The following RTKN2 variants were observed in gnomAD, a reference collection of about 807,000 sequenced individuals.
RTKN2 encodes rhotekin-2.
Under a neutral mutation model 71.5 loss-of-function variants are expected in RTKN2, and 69 were observed. The observed-to-expected ratio is 0.96, with a 90% CI of 0.79 to 1.18. The LOEUF (loss-of-function observed/expected upper bound fraction) is 1.18. Among genes scored for constraint, RTKN2 ranks in the 50% most tolerant of loss-of-function variants. The pLI is 0.00. For synonymous variants in RTKN2, 236 were observed against 236.5 expected (o/e 1.00, Z 0.02); for missense variants, 724 against 719.7 (o/e 1.01, Z -0.07).
chr10:62,199,944 T>G (rs1841406436), intron 10 of RTKN2, 83 bp from the exon 11 acceptor site: 1 of 882,148 alleles, frequency 1.1e-6, no homozygotes, highest in East Asian at 2.6e-5. Flanking sequence ...TAGCAATACA[T>G]TTTTGCTTTG....
In RTKN2 at chr10:62,218,175, G is replaced by A; in HGVS notation, c.888+20C>T. 6.9e-7 allele frequency: 1 copy of A among 1,452,034 alleles called. No homozygotes were observed. The highest frequency in any genetic ancestry group is 9.6e-7 in the Non-Finnish European group (1 of 1,037,690). 89.9% of individuals were successfully genotyped at this position (1,452,034 alleles called of 1,614,324 possible). ...TAAAGTAGAGCTACAATTGTTGTAG[G>A]ATATTTAAAGTCCTCTAACCTGCTG... On this transcript the variant is annotated intron_variant, in intron 8 of 11. Transcript: ENST00000373789.
chr10:62,215,433 T>C (rs1358891851), intron 9 of RTKN2, among the ~76,000 whole-genome samples: 1 of 152,036 alleles, frequency 6.6e-6, no homozygotes, highest in Non-Finnish European at 1.5e-5. Context: ...CCAGATGCAC[T>C]ATAGGATCCT....
chr10:62,190,848 T>A (rs1038324800), downstream of RTKN2, among the ~76,000 whole-genome samples: 4 of 152,146 alleles, frequency 2.6e-5, no homozygotes, highest in Non-Finnish European at 5.9e-5. Flanking sequence ...GCATATCCCA[T>A]CTCTCACCTA....
exon 9 of RTKN2, chr10:62,184,203 G>C: frequency 1.5e-6 from 1 of 645,206 alleles, no homozygotes; most frequent in Non-Finnish European, 2.7e-6. Context: ...CGTACTGGGT[G>C]CTAGGAATAC....
At chr10:62,249,421 G>A (rs1458875672) in intron 2 of RTKN2, among the ~76,000 whole-genome samples, 2 of 138,278 alleles carry the variant, frequency 1.4e-5, no homozygotes, top group African/African-American at 2.6e-5. Context: ...ACAGATGGAG[G>A]ATATTGCTGA....
chr10:62,234,390 C>CTA (rs2132968825), intron 6 of RTKN2, among the ~76,000 whole-genome samples: 1 of 151,238 alleles, frequency 6.6e-6, no homozygotes, highest in Admixed American at 6.6e-5. Flanking sequence ...AGCCACCAGG[C>CTA]ATGGTAGCAT....
chr10:62,226,497 TTA>T (rs1220287168), intron 6 of RTKN2, among the ~76,000 whole-genome samples: 2 of 152,328 alleles, frequency 1.3e-5, no homozygotes, highest in Admixed American at 6.5e-5. Context: ...ATAGGAAAAT[TTA>T]TGTTTCTGTC....
At chr10:62,265,118 G>T (rs187855040) in intron 1 of RTKN2, among the ~76,000 whole-genome samples, 1 of 151,922 alleles carries the variant, frequency 6.6e-6, no homozygotes, top group East Asian at 1.9e-4. Flanking sequence ...AAAAATGTAC[G>T]TGTAAAAAGT....
chr10:62,217,173 C>G lies in RTKN2; in HGVS notation c.965G>C (p.Ser322Thr), dbSNP rs768994941. The change falls in exon 9 of 12, where the codon AGT (serine) becomes ACT (threonine). Residue 322 changes from serine to threonine, a missense_variant. Ser to Thr is a moderately conservative substitution (Grantham distance 58, BLOSUM62 1). Transcript: ENST00000373789. ...LRGGKLYCFY[S>T]PEEIEAKVEP... ...CACTTTAGCTTCAATTTCCTCTGGA[C>G]TGTAAAAACAATAGAGTTTACCTCC... The G allele has an allele frequency of 6.2e-7, 1 of 1,604,232 alleles. No homozygotes were observed. The highest frequency in any genetic ancestry group is 1.7e-5 in the Admixed American group (1 of 59,110).
At chr10:62,234,522 A>G (rs1842216993) in intron 6 of RTKN2, among the ~76,000 whole-genome samples, 1 of 151,770 alleles carries the variant, frequency 6.6e-6, no homozygotes, top group Non-Finnish European at 1.5e-5. Context: ...AAGAAAAAGA[A>G]AAGAAAAGAA....
intron 2 of RTKN2, among the ~76,000 whole-genome samples, chr10:62,255,592 C>T (rs1842659991): frequency 6.6e-6 from 1 of 152,146 alleles, no homozygotes; most frequent in Non-Finnish European, 1.5e-5. Flanking sequence ...GTTTTACAAA[C>T]CCCATTATAA....
chr10:62,220,149 C>A (rs971083797), intron 7 of RTKN2, among the ~76,000 whole-genome samples: 2 of 152,060 alleles, frequency 1.3e-5, no homozygotes, highest in Non-Finnish European at 2.9e-5. Flanking sequence ...TGCAAGGCAG[C>A]AAAGGTTTGT....
At chr10:62,223,818 T>C (rs1311322872) in intron 6 of RTKN2, among the ~76,000 whole-genome samples, 1 of 152,166 alleles carries the variant, frequency 6.6e-6, no homozygotes, top group Non-Finnish European at 1.5e-5. Context: ...TCTACTCTGA[T>C]ATATACCCAA....
At chr10:62,192,922 G>C (rs1384709738), downstream of RTKN2, among the ~76,000 whole-genome samples, 2 of 152,110 alleles carry the variant, frequency 1.3e-5, no homozygotes, top group Non-Finnish European at 2.9e-5. Context: ...AATACCTGAA[G>C]AATCTAACAC....
At chr10:62,238,436 G>C (rs1378297815) in intron 5 of RTKN2, 2 of 151,758 alleles carry the variant, frequency 1.3e-5, no homozygotes, top group Non-Finnish European at 2.9e-5. Context: ...AAAAAAGTCT[G>C]ATTTTTGTCT....
chr10:62,261,841 C>T (rs891223993), intron 2 of RTKN2, among the ~76,000 whole-genome samples: 4 of 152,082 alleles, frequency 2.6e-5, no homozygotes, highest in African/African-American at 9.7e-5. Context: ...CCAACAGTCA[C>T]TATTGTCTAA....
chr10:62,236,994 T>C (rs1414391153), intron 5 of RTKN2, among the ~76,000 whole-genome samples: 2 of 151,848 alleles, frequency 1.3e-5, no homozygotes, highest in Admixed American at 6.6e-5. Context: ...TGGGGAGATA[T>C]AGGTCAAAGG....
At chr10:62,234,987 T>C (rs1467302966) in intron 6 of RTKN2, among the ~76,000 whole-genome samples, 2 of 151,722 alleles carry the variant, frequency 1.3e-5, no homozygotes, top group East Asian at 3.9e-4. Context: ...ATCTAATCAG[T>C]CCTCTAGATC....
intron 9 of RTKN2, chr10:62,214,950 T>C (rs1372029630): frequency 4.7e-6 from 3 of 641,432 alleles, no homozygotes; most frequent in Admixed American, 7.0e-5. Flanking sequence ...AAGTTCTATC[T>C]GATCTCTGAG....
Sources: allele counts gnomAD v4.1 joint callset (sites outside exome capture counted in the v4.1 genomes callset), GRCh38; gene constraint gnomAD v4.1.1; transcripts MANE v1.5; gene names NCBI Gene and HGNC (gene_info 2026-07-23, HGNC 2026-07-21).